Variants in PLAGL1 observed in about 807,000 individuals in gnomAD.
PLAGL1 encodes PLAG1 like zinc finger 1.
In PLAGL1, 1 loss-of-function variant was observed where a neutral mutation model predicts 4.6. That is an observed-to-expected ratio of 0.22 (90% CI 0.08 to 1.03). PLAGL1 has a LOEUF of 1.03. PLAGL1 is among the 50% of genes least tolerant of loss of function. PLAGL1 has a pLI of 0.58. For missense variants in PLAGL1, 464 were observed against 570.4 expected, an observed-to-expected ratio of 0.81 and a Z score of 1.90; for synonymous variants, 240 against 237.8, an observed-to-expected ratio of 1.01 and a Z score of -0.08.
Position 144,056,323 on chromosome 6 carries a change from A to G in PLAGL1, c.-151+8145T>C, listed in dbSNP as rs1258260489. Among the ~76,000 whole-genome samples, 1 of 152,086 alleles carries G rather than the reference A, an allele frequency of 6.6e-6. No individual in the cohort carries two copies. The highest frequency in any genetic ancestry group is 1.9e-4 in the East Asian group (1 of 5,196). On this transcript the variant is annotated intron_variant, in intron 1 of 3. Coordinates refer to the PLAGL1 transcript ENST00000437412. The surrounding 1 kb of genome is among the most constrained non-coding windows in gnomAD (Gnocchi z 4.7). ...CATTTGTTCCAACTGTTCAATCCAC[A>G]CTGACACACCATTATCACCCAGCGT...
chr6:143,997,035 C>T lies in PLAGL1; in HGVS notation c.-584+11055G>A, dbSNP rs911911131. Among the ~76,000 whole-genome samples, 2 of 152,072 alleles carry T rather than the reference C, an allele frequency of 1.3e-5. No individual in the cohort carries two copies. The highest frequency in any genetic ancestry group is 4.8e-5 in the African/African-American group (2 of 41,406). ...TGGATTTCATTAAGACACCAAAAGA[C>T]AGCATTAAAAGATACATAGAAAAGT... On this transcript the variant is annotated intron_variant, in intron 1 of 7. Coordinates refer to ENST00000674357, the MANE Select transcript of PLAGL1 (RefSeq NM_001317162.2). This position sits in a 1 kb window ranked among gnomAD's most constrained non-coding sequence, Gnocchi z 4.6.
intron 6 of PLAGL1, among the ~76,000 whole-genome samples, chr6:143,951,497 A>G (rs1014976700): frequency 1.3e-5 from 2 of 152,270 alleles, no homozygotes; most frequent in Non-Finnish European, 2.9e-5. Flanking sequence ...CTCATTGCTT[A>G]CCAAACACAC....
chr6:143,996,273 G>A (rs762391970), intron 1 of PLAGL1, among the ~76,000 whole-genome samples: 4 of 152,144 alleles, frequency 2.6e-5, no homozygotes, highest in Non-Finnish European at 4.4e-5. Flanking sequence ...ACAGAGCTGC[G>A]ATGTCTGCAT....
At chr6:143,999,239 A>G (rs1219679532) in intron 1 of PLAGL1, among the ~76,000 whole-genome samples, 2 of 152,172 alleles carry the variant, frequency 1.3e-5, no homozygotes, top group African/African-American at 4.8e-5. Flanking sequence ...AGTTTCCCTG[A>G]ATGATATAAA....
At chr6:144,012,727 C>G (rs1795276635), upstream of PLAGL1, among the ~76,000 whole-genome samples, 1 of 152,162 alleles carries the variant, frequency 6.6e-6, no homozygotes, top group Non-Finnish European at 1.5e-5. This position sits in a 1 kb window ranked among gnomAD's most constrained non-coding sequence, Gnocchi z 4.8. Context: ...CTCTTTTTCT[C>G]CTGAGCTTTC....
rs374421447 is a variant in PLAGL1 at position 143,941,551 on chromosome 6, T to G, written c.1265A>C (p.Gln422Pro). Residue 422 changes from glutamine to proline, a missense_variant, in exon 8 of 8, where the codon CAG becomes CCG. Gln to Pro is a moderately conservative substitution (Grantham distance 76, BLOSUM62 -1). Coordinates refer to ENST00000674357, the MANE Select transcript of PLAGL1 (RefSeq NM_001317162.2). This position sits in a 1 kb window ranked among gnomAD's most constrained non-coding sequence, Gnocchi z 6.0. The stretch of plus-strand genomic sequence containing the variant: ...GCCCATGGCAAGTGGGGGTTCTTGC[T>G]GCTGCTGCCCCAGACAGCTTAACCT... ...PHRLSCLGQQ[Q>P]QEPPLAMGTV... 5.1e-6 allele frequency: 8 copies of G among 1,571,238 alleles called. No individual in the cohort carries two copies. Among genetic ancestry groups the G allele is most frequent in the Non-Finnish European group, 6.9e-6 (8 of 1,158,048 alleles).
At position 143,964,461 on chromosome 6, in the gene PLAGL1, TG is replaced by T. The variant is rs1411392581; in HGVS notation, c.-399+325del. 1.3e-5 allele frequency among the ~76,000 whole-genome samples: 2 copies of T among 152,148 alleles called. No individual in the cohort carries two copies. Among genetic ancestry groups the T allele is most frequent in the Non-Finnish European group, 2.9e-5 (2 of 68,026 alleles). ...TGGGGACTGGAGTCCGTTTTCATTA[TG>T]GGGAATGAAAACAGTAATGCTTCTT... On this transcript the variant is annotated intron_variant, in intron 5 of 7. Transcript: ENST00000674357. The surrounding 1 kb of genome is among the most constrained non-coding windows in gnomAD (Gnocchi z 4.3).
In PLAGL1 at chr6:143,965,444, T is replaced by C. The variant is rs1251749289; in HGVS notation, c.-430-626A>G. The C allele has an allele frequency of 1.3e-5, 2 of 152,186 alleles. No individual in the cohort carries two copies. The highest frequency in any genetic ancestry group is 1.3e-4 in the Admixed American group (2 of 15,284). The allele number at this position is 152,186 out of a possible 1,614,324, so 9.4% of individuals were successfully genotyped here. On this transcript the variant is annotated intron_variant, in intron 4 of 7. Transcript: ENST00000674357. The surrounding 1 kb of genome is among the most constrained non-coding windows in gnomAD (Gnocchi z 7.5). ...CAGCAACCAAGGGACCCCATTTTTC[T>C]GCCAAATAGGCACACTATTAAATCT...
At chr6:144,040,090 A>C (rs1220590408) in intron 1 of PLAGL1, among the ~76,000 whole-genome samples, 4 of 152,226 alleles carry the variant, frequency 2.6e-5, no homozygotes, top group Non-Finnish European at 5.9e-5. Context: ...CACAGTGATA[A>C]CATTTAATGA....
intron 3 of PLAGL1, chr6:143,967,657 C>A (rs1784658172): frequency 6.6e-6 from 1 of 152,056 alleles, no homozygotes; most frequent in African/African-American, 2.4e-5. Context: ...ATAAAGCTAC[C>A]CAAATGGTAT....
intron 1 of PLAGL1, among the ~76,000 whole-genome samples, chr6:144,041,712 C>G (rs563666727): frequency 1.3e-5 from 2 of 152,236 alleles, no homozygotes; most frequent in African/African-American, 2.4e-5. Context: ...GTAATGGGAT[C>G]ACTGGGTCAA....
chr6:143,999,043 A>C (rs867925163), intron 1 of PLAGL1, among the ~76,000 whole-genome samples: 1 of 152,204 alleles, frequency 6.6e-6, no homozygotes, highest in Non-Finnish European at 1.5e-5. Flanking sequence ...TACACATGAT[A>C]GGAAGGGAAG....
Position 144,034,705 on chromosome 6 carries a change from T to C in PLAGL1, c.-151+29763A>G, listed in dbSNP as rs112858169. ...AGTTTATTTTATTCTAAAAATCAGG[T>C]TTTCCCCCTAGCTTTTAAGATTGAA... On this transcript the variant is annotated intron_variant, in intron 1 of 3. Coordinates refer to the PLAGL1 transcript ENST00000437412. This position sits in a 1 kb window ranked among gnomAD's most constrained non-coding sequence, Gnocchi z 4.7. Among the ~76,000 whole-genome samples, 122 of 152,240 alleles carry C rather than the reference T, an allele frequency of 8.0e-4. No homozygotes were observed. The highest frequency in any genetic ancestry group is 2.6e-3 in the African/African-American group (110 of 41,538).
chr6:144,003,298 T>C (rs1046079010), intron 1 of PLAGL1, among the ~76,000 whole-genome samples: 1 of 152,022 alleles, frequency 6.6e-6, no homozygotes, highest in Non-Finnish European at 1.5e-5. Context: ...ACTATAAAGT[T>C]TCTGGAGGAA....
At chr6:144,009,356 CTTCATT>C (rs1298765242), upstream of PLAGL1, among the ~76,000 whole-genome samples, 1 of 151,866 alleles carries the variant, frequency 6.6e-6, no homozygotes, top group Non-Finnish European at 1.5e-5. Flanking sequence ...GATGGACTTC[CTTCATT>C]TTCAAGTCAT....
intron 2 of PLAGL1, among the ~76,000 whole-genome samples, chr6:143,977,468 T>C (rs1199973338): frequency 1.0e-5 from 1 of 100,190 alleles, no homozygotes; most frequent in African/African-American, 3.6e-5. Flanking sequence ...CTTCTTCTTC[T>C]TCTTTTTTTT....
In PLAGL1 at chr6:143,947,911, T is replaced by A. The variant is rs1780131310; in HGVS notation, c.152+74A>T. On this transcript the variant is annotated intron_variant, in intron 7 of 7. Transcript: ENST00000674357. The surrounding 1 kb of genome is among the most constrained non-coding windows in gnomAD (Gnocchi z 4.3). ...TATCCTGTGTCCCTTTCCCCTTGCA[T>A]CGTGTGGTCTGAGGGCTAGAAAAGC... is the stretch of plus-strand genomic sequence containing the variant. The A allele has an allele frequency of 4.8e-6, 6 of 1,240,502 alleles. No individual in the cohort carries two copies. Among genetic ancestry groups the A allele is most frequent in the Non-Finnish European group, 5.8e-6 (5 of 857,682 alleles). 76.8% of individuals were successfully genotyped at this position (1,240,502 alleles called of 1,614,324 possible).
At chr6:143,981,383 C>CA in intron 2 of PLAGL1, among the ~76,000 whole-genome samples, 1 of 152,112 alleles carries the variant, frequency 6.6e-6, no homozygotes. Context: ...CTGAAGCCTC[C>CA]AGGAGAGCCC....
rs780453819 is a variant in PLAGL1 at position 143,960,167 on chromosome 6, C to A, written c.-325+302G>T. Among the ~76,000 whole-genome samples the A allele has an allele frequency of 2.6e-5, 4 of 152,168 alleles. No individual in the cohort carries two copies. Among genetic ancestry groups the A allele is most frequent in the Non-Finnish European group, 4.4e-5 (3 of 68,030 alleles). ...TCTTTTGAACTGACAGGGTTGTCAGCAGAAAATTCCATAGATCTATGTGTA... is the reference window on the plus strand; with the variant it reads ...TCTTTTGAACTGACAGGGTTGTCAGAAGAAAATTCCATAGATCTATGTGTA... On this transcript the variant is annotated intron_variant, in intron 6 of 7. Coordinates refer to ENST00000674357, the MANE Select transcript of PLAGL1 (RefSeq NM_001317162.2). This position sits in a 1 kb window ranked among gnomAD's most constrained non-coding sequence, Gnocchi z 5.7.
Sources: allele counts gnomAD v4.1 joint callset (sites outside exome capture counted in the v4.1 genomes callset), GRCh38; gene constraint gnomAD v4.1.1; non-coding constraint Gnocchi (gnomAD v3.1); transcripts MANE v1.5; gene names NCBI Gene and HGNC (gene_info 2026-07-23, HGNC 2026-07-21).